SIK3: variants seen among roughly 807,000 people sequenced by gnomAD.
The protein encoded by SIK3 is serine/threonine-protein kinase SIK3.
In SIK3, 28 loss-of-function variants were observed where a neutral mutation model predicts 144.2. That is an observed-to-expected ratio of 0.19 (90% CI 0.14 to 0.27). SIK3 has a LOEUF of 0.27. Ranked by LOEUF, SIK3 falls within the 10% of genes least tolerant of loss-of-function variation. The pLI is 1.00. For missense variants in SIK3, 1,319 were observed against 1,776.0 expected (o/e 0.74, Z 4.62); for synonymous variants, 686 against 676.3 (o/e 1.01, Z -0.22).
intron 4 of SIK3, among the ~76,000 whole-genome samples, chr11:116,899,326 T>A (rs1339477092): frequency 6.6e-6 from 1 of 152,122 alleles, no homozygotes; most frequent in Non-Finnish European, 1.5e-5. Flanking sequence ...GTTCCATTGA[T>A]CTATATCTCT....
At position 116,915,244 on chromosome 11, in the gene SIK3, T is replaced by G. The variant is rs970815370; in HGVS notation, c.616+11975A>C. Among the ~76,000 whole-genome samples, 3 of 151,764 alleles carry G rather than the reference T, an allele frequency of 2.0e-5. 1 individual carries two copies. The highest frequency in any genetic ancestry group is 2.4e-5 in the African/African-American group (1 of 41,264). ...TCTTATTATGTTGCCCAGGCTGGTA[T>G]GCAGGGATCCTCCCGCCTTGGCCTC... On this transcript the variant is annotated intron_variant, in intron 4 of 24. Coordinates refer to ENST00000445177, the MANE Select transcript of SIK3 (RefSeq NM_001366686.3).
chr11:116,927,319 G>T lies in SIK3; in HGVS notation c.516C>A (p.Ile172=). The change falls in exon 4 of 25, where the codon ATC becomes ATA. Residue 172 remains isoleucine, a synonymous_variant. Coordinates refer to ENST00000445177, the MANE Select transcript of SIK3 (RefSeq NM_001366686.3). The stretch of plus-strand genomic sequence containing the variant: ...AGTGACAAAAATAGACAGCTGTGAC[G>T]ATCTGTTTGAACTTCCGACGTGCCT... The part of the protein sequence containing the change: ...EKEARRKFKQ[I]VTAVYFCHCR... 1 of 1,613,962 alleles carries T rather than the reference G, an allele frequency of 6.2e-7. No individual in the cohort carries two copies. Among genetic ancestry groups the T allele is most frequent in the African/African-American group, 1.3e-5 (1 of 75,024 alleles).
intron 6 of SIK3, among the ~76,000 whole-genome samples, chr11:116,881,109 G>A (rs1303114686): frequency 1.3e-5 from 2 of 152,062 alleles, no homozygotes; most frequent in Admixed American, 6.6e-5. Context: ...GGGCGACAGA[G>A]CGAGACTCCG....
chr11:116,923,994 C>G (rs1380764490), intron 4 of SIK3, among the ~76,000 whole-genome samples: 2 of 152,064 alleles, frequency 1.3e-5, no homozygotes, highest in East Asian at 3.9e-4. Context: ...ATAAAATTTC[C>G]TTAACAGCCG....
chr11:117,070,077 C>T (rs1954196490), intron 1 of SIK3, among the ~76,000 whole-genome samples: 1 of 152,184 alleles, frequency 6.6e-6, no homozygotes, highest in African/African-American at 2.4e-5. Flanking sequence ...ATTAGCTTAG[C>T]TCTATTCCTT....
intron 1 of SIK3, among the ~76,000 whole-genome samples, chr11:117,026,265 CA>C (rs1450923728): frequency 6.6e-6 from 1 of 152,146 alleles, no homozygotes; most frequent in East Asian, 1.9e-4. Flanking sequence ...CTAGGAGCAA[CA>C]GACCATACCA....
At chr11:116,887,757 G>C (rs898078868) in intron 6 of SIK3, among the ~76,000 whole-genome samples, 1 of 152,206 alleles carries the variant, frequency 6.6e-6, no homozygotes, top group African/African-American at 2.4e-5. Flanking sequence ...GTAAAACACA[G>C]CTCTGATAAT....
intron 3 of SIK3, among the ~76,000 whole-genome samples, chr11:116,947,664 C>T (rs1948739027): frequency 1.3e-5 from 2 of 150,790 alleles, no homozygotes; most frequent in South Asian, 4.2e-4. Flanking sequence ...CTCCCAGGTT[C>T]ACGCCATTCT....
Position 116,956,935 on chromosome 11 carries a change from C to T in SIK3, c.390+13G>A. 2 of 1,542,758 alleles carry T rather than the reference C, an allele frequency of 1.3e-6. No homozygotes were observed. Among genetic ancestry groups the T allele is most frequent in the Non-Finnish European group, 1.8e-6 (2 of 1,131,158 alleles). On this transcript the variant is annotated intron_variant, in intron 2 of 24. Coordinates refer to ENST00000445177, the MANE Select transcript of SIK3 (RefSeq NM_001366686.3). ...GTTCTTTGCAGCTATCTGCTATACA[C>T]TAATGATCCTACCTGGTAGAGCCTG...
chr11:116,995,705 C>G (rs1950643119), intron 1 of SIK3, among the ~76,000 whole-genome samples: 2 of 152,160 alleles, frequency 1.3e-5, no homozygotes. Flanking sequence ...ATTTATATAT[C>G]ATCTATTTTG....
At chr11:116,969,856 C>T (rs139080476) in intron 1 of SIK3, among the ~76,000 whole-genome samples, 97 of 152,242 alleles carry the variant, frequency 6.4e-4, no homozygotes, top group Middle Eastern at 3.4e-3. Context: ...AGCAAAAAGA[C>T]GAATGCAGTG....
intron 6 of SIK3, among the ~76,000 whole-genome samples, chr11:116,879,959 T>TA (rs1329882269): frequency 2.0e-5 from 3 of 152,340 alleles, no homozygotes; most frequent in Admixed American, 6.5e-5. Context: ...AGGAAGTTGT[T>TA]AAAGACTCCT....
chr11:117,091,862 A>G (rs1402962253), intron 1 of SIK3, among the ~76,000 whole-genome samples: 1 of 152,114 alleles, frequency 6.6e-6, no homozygotes, highest in Non-Finnish European at 1.5e-5. Context: ...AGTTCACCAC[A>G]GCCTCAGACT....
At chr11:117,016,063 C>T (rs1951509899) in intron 1 of SIK3, 2 of 151,998 alleles carry the variant, frequency 1.3e-5, no homozygotes, top group Non-Finnish European at 2.9e-5. Context: ...TCATGGTTCA[C>T]ATCTGTAATC....
At chr11:116,955,390 T>A (rs1949102910) in intron 2 of SIK3, among the ~76,000 whole-genome samples, 1 of 152,074 alleles carries the variant, frequency 6.6e-6, no homozygotes, top group African/African-American at 2.4e-5. Context: ...AGAGTGAGAC[T>A]TCGTCTCAAA....
At chr11:117,029,756 TG>T (rs1242547980) in intron 1 of SIK3, among the ~76,000 whole-genome samples, 2 of 152,008 alleles carry the variant, frequency 1.3e-5, no homozygotes, top group East Asian at 3.9e-4. Context: ...TCAGTGGAGA[TG>T]AAGTTAGTGT....
intron 4 of SIK3, among the ~76,000 whole-genome samples, chr11:116,925,216 T>C (rs577329708): frequency 2.2e-4 from 33 of 150,670 alleles, no homozygotes; most frequent in African/African-American, 7.6e-4. Flanking sequence ...GCCACTGCCC[T>C]CCTGCCTGGG....
intron 3 of SIK3, among the ~76,000 whole-genome samples, chr11:116,952,243 A>T (rs1190408083): frequency 1.3e-5 from 2 of 152,168 alleles, no homozygotes; most frequent in Non-Finnish European, 1.5e-5. Flanking sequence ...CTCTACTAAA[A>T]ATTTAAAAAT....
At chr11:116,921,072 G>A (rs1946941279) in intron 4 of SIK3, among the ~76,000 whole-genome samples, 1 of 152,290 alleles carries the variant, frequency 6.6e-6, no homozygotes, top group African/African-American at 2.4e-5. Flanking sequence ...CTGCTCTTCT[G>A]TGGATCCTTA....
Sources: allele counts gnomAD v4.1 joint callset (sites outside exome capture counted in the v4.1 genomes callset), GRCh38; gene constraint gnomAD v4.1.1; transcripts MANE v1.5; gene names NCBI Gene and HGNC (gene_info 2026-07-23, HGNC 2026-07-21).